Variants in EXOC6B observed in about 807,000 individuals in gnomAD.
The protein encoded by EXOC6B is exocyst complex component 6B, also known as SEC15 homolog B.
In EXOC6B, 54 loss-of-function variants were observed where a neutral mutation model predicts 113.5. That is an observed-to-expected ratio of 0.48 (90% CI 0.38 to 0.60). EXOC6B has a LOEUF of 0.60. EXOC6B is among the 20% of genes least tolerant of loss of function. EXOC6B has a pLI of 0.00. For missense variants in EXOC6B, 797 were observed against 977.5 expected, an observed-to-expected ratio of 0.82 and a Z score of 2.46; for synonymous variants, 357 against 339.0, an observed-to-expected ratio of 1.05 and a Z score of -0.58.
chr2:72,287,591 C>T (rs1193870610), intron 20 of EXOC6B, among the ~76,000 whole-genome samples: 2 of 151,424 alleles, frequency 1.3e-5, no homozygotes, highest in Non-Finnish European at 2.9e-5. Flanking sequence ...CACAAATAAC[C>T]AATAGTAGGA....
chr2:72,247,467 G>C (rs923503375), intron 20 of EXOC6B, among the ~76,000 whole-genome samples: 2 of 152,214 alleles, frequency 1.3e-5, no homozygotes, highest in African/African-American at 4.8e-5. Context: ...AGATGTAGTT[G>C]TTTGCTTAGT....
chr2:72,407,122 G>A (rs9677947), intron 18 of EXOC6B, among the ~76,000 whole-genome samples: 1 of 152,016 alleles, frequency 6.6e-6, no homozygotes, highest in African/African-American at 2.4e-5. Context: ...TAGAAGAAAT[G>A]GATAAATTCC....
Position 72,717,976 on chromosome 2 carries a change from G to T in EXOC6B, c.669+127C>A, listed in dbSNP as rs546997903. 20 of 635,294 alleles carry T rather than the reference G, an allele frequency of 3.1e-5. No individual in the cohort carries two copies. In the South Asian group the frequency reaches 5.6e-4, roughly 18 times the overall value. 39.4% of individuals were successfully genotyped at this position (635,294 alleles called of 1,614,324 possible). On this transcript the variant is annotated intron_variant, in intron 6 of 21. Transcript: ENST00000272427. ...TTTAATCATATGTTTCCATAAATATGAAGGACTTCCCTAAAATGATAAGAA... is the reference window on the plus strand; with the variant it reads ...TTTAATCATATGTTTCCATAAATATTAAGGACTTCCCTAAAATGATAAGAA...
chr2:72,773,586 C>T (rs1683531652), intron 1 of EXOC6B, among the ~76,000 whole-genome samples: 1 of 151,092 alleles, frequency 6.6e-6, no homozygotes, highest in African/African-American at 2.4e-5. Flanking sequence ...AATTATACCT[C>T]AAGAAAGTCG....
chr2:72,343,726 T>C, intron 19 of EXOC6B, among the ~76,000 whole-genome samples: 1 of 152,266 alleles, frequency 6.6e-6, no homozygotes, highest in South Asian at 2.1e-4. Context: ...AAATTATATG[T>C]ATAAAATTAC....
At chr2:72,816,594 TAAATA>T (rs1173925471) in intron 1 of EXOC6B, among the ~76,000 whole-genome samples, 1 of 152,236 alleles carries the variant, frequency 6.6e-6, no homozygotes, top group Non-Finnish European at 1.5e-5. Context: ...TTCCACTTTT[TAAATA>T]AAATATTTCA....
intron 1 of EXOC6B, among the ~76,000 whole-genome samples, chr2:72,762,328 C>A (rs1682792456): frequency 6.6e-6 from 1 of 151,412 alleles, no homozygotes; most frequent in Non-Finnish European, 1.5e-5. Flanking sequence ...GGTGATATAG[C>A]ATGAAAAATA....
At chr2:72,808,638 C>T (rs765571724) in intron 1 of EXOC6B, among the ~76,000 whole-genome samples, 1 of 151,994 alleles carries the variant, frequency 6.6e-6, no homozygotes. Flanking sequence ...TTTTAAAATG[C>T]TAGGCATAGT....
intron 1 of EXOC6B, among the ~76,000 whole-genome samples, chr2:72,753,394 C>A (rs958245462): frequency 2.0e-5 from 3 of 152,068 alleles, no homozygotes; most frequent in African/African-American, 7.2e-5. Context: ...TCACCTCACA[C>A]CTCCTCATAA....
intron 20 of EXOC6B, among the ~76,000 whole-genome samples, chr2:72,258,823 C>T (rs1484338486): frequency 6.6e-6 from 1 of 152,080 alleles, no homozygotes; most frequent in Non-Finnish European, 1.5e-5. Flanking sequence ...GCTTCCTAAC[C>T]ATCCCCTGCT....
chr2:72,631,457 TATATAGAGAGAGAGAGAGAG>T (rs1383161027), intron 6 of EXOC6B, among the ~76,000 whole-genome samples: 17 of 10,636 alleles, frequency 1.6e-3, no homozygotes, highest in African/African-American at 4.0e-3. Flanking sequence ...TATATATATA[TATATAGAGAGAGAGAGAGAG>T]AGAGAGAGAG....
intron 7 of EXOC6B, among the ~76,000 whole-genome samples, chr2:72,568,765 C>T (rs979196343): frequency 4.0e-5 from 6 of 151,876 alleles, no homozygotes; most frequent in Non-Finnish European, 8.8e-5. Flanking sequence ...TAGAATAAGG[C>T]ATTCTTGGCA....
At chr2:72,279,509 C>G (rs1685001105) in intron 20 of EXOC6B, among the ~76,000 whole-genome samples, 1 of 152,094 alleles carries the variant, frequency 6.6e-6, no homozygotes, top group South Asian at 2.1e-4. Flanking sequence ...AGCTACAGAC[C>G]ATATTCTTCA....
intron 20 of EXOC6B, among the ~76,000 whole-genome samples, chr2:72,292,535 TTGTGTGTGTG>T (rs142332997): frequency 1.5e-5 from 2 of 134,056 alleles, no homozygotes; most frequent in South Asian, 2.4e-4. Flanking sequence ...CATGCACGCT[TTGTGTGTGTG>T]TGTGTGTGTG....
chr2:72,452,524 C>G (rs1340910037), intron 18 of EXOC6B, among the ~76,000 whole-genome samples: 2 of 151,954 alleles, frequency 1.3e-5, no homozygotes, highest in African/African-American at 4.8e-5. Context: ...AAAGGGTGAA[C>G]AGTCATAAAA....
chr2:72,333,770 T>C (rs1265336177), intron 20 of EXOC6B, among the ~76,000 whole-genome samples: 5 of 152,116 alleles, frequency 3.3e-5, no homozygotes, highest in Non-Finnish European at 7.4e-5. Context: ...GGCAGGTCTA[T>C]AGACACACAA....
intron 20 of EXOC6B, among the ~76,000 whole-genome samples, chr2:72,316,994 G>A (rs1221731495): frequency 6.6e-6 from 1 of 152,154 alleles, no homozygotes; most frequent in African/African-American, 2.4e-5. Flanking sequence ...GGTGTTAAGA[G>A]TAGTCTAGGG....
chr2:72,719,506 CTGGCTGACT>C (rs1679859285), intron 5 of EXOC6B, among the ~76,000 whole-genome samples: 1 of 152,190 alleles, frequency 6.6e-6, no homozygotes, highest in Non-Finnish European at 1.5e-5. Context: ...CCACTCATCC[CTGGCTGACT>C]AGGAGGCTGT....
chr2:72,671,919 A>G (rs1481730986), intron 6 of EXOC6B, among the ~76,000 whole-genome samples: 1 of 151,918 alleles, frequency 6.6e-6, no homozygotes, highest in Admixed American at 6.5e-5. Context: ...AAGAAAGAAA[A>G]GAAAGAAAGA....
Sources: allele counts gnomAD v4.1 joint callset (sites outside exome capture counted in the v4.1 genomes callset), GRCh38; gene constraint gnomAD v4.1.1; transcripts MANE v1.5; gene names NCBI Gene and HGNC (gene_info 2026-07-23, HGNC 2026-07-21).